The following CTNNA2 variants were observed in gnomAD, a reference collection of about 807,000 sequenced individuals.
The protein encoded by CTNNA2 is catenin alpha 2, also known as catenin alpha-2.
A neutral mutation model predicts 101.0 loss-of-function variants in CTNNA2; 42 were observed. That is an observed-to-expected ratio of 0.42 (90% CI 0.32 to 0.54). The LOEUF (loss-of-function observed/expected upper bound fraction) is 0.54. Ranked by LOEUF, CTNNA2 falls within the 20% of genes least tolerant of loss-of-function variation. The pLI, the probability that CTNNA2 is intolerant of heterozygous loss-of-function variation, is 0.14. For missense variants in CTNNA2, 871 were observed against 1,223.1 expected, an observed-to-expected ratio of 0.71 and a Z score of 4.29; for synonymous variants, 450 against 456.4, an observed-to-expected ratio of 0.99 and a Z score of 0.18.
intron 7 of CTNNA2, among the ~76,000 whole-genome samples, chr2:80,290,037 A>G (rs140760077): frequency 9.9e-4 from 150 of 152,232 alleles, no homozygotes; most frequent in South Asian, 4.4e-3. Context: ...AAATCTTTGC[A>G]TAGGACCTCA....
intron 7 of CTNNA2, among the ~76,000 whole-genome samples, chr2:79,992,332 C>T (rs532336285): frequency 4.5e-4 from 68 of 152,150 alleles, no homozygotes; most frequent in Middle Eastern, 3.4e-3. Context: ...ATATTTTCTG[C>T]TTTGAAAATT....
intron 7 of CTNNA2, among the ~76,000 whole-genome samples, chr2:80,192,454 A>G (rs1706566738): frequency 6.6e-6 from 1 of 152,062 alleles, no homozygotes; most frequent in African/African-American, 2.4e-5. Context: ...TTTAGTATTT[A>G]TTCATCTTCT....
chr2:79,746,313 T>C (rs982535550), intron 3 of CTNNA2, among the ~76,000 whole-genome samples: 1 of 152,188 alleles, frequency 6.6e-6, no homozygotes, highest in African/African-American at 2.4e-5. Flanking sequence ...ATTAGCATCT[T>C]ATCAGACAGT....
chr2:80,138,265 A>G (rs1334040963), intron 7 of CTNNA2, among the ~76,000 whole-genome samples: 1 of 152,038 alleles, frequency 6.6e-6, no homozygotes, highest in African/African-American at 2.4e-5. Flanking sequence ...TAAGAACATC[A>G]ACCTTCTTGG....
intron 9 of CTNNA2, among the ~76,000 whole-genome samples, chr2:80,492,673 A>T (rs1171296744): frequency 6.6e-6 from 1 of 151,922 alleles, no homozygotes; most frequent in Non-Finnish European, 1.5e-5. Flanking sequence ...TATCTTGTAG[A>T]TTCCTCTAAT....
chr2:80,568,794 T>C (rs10181877), intron 12 of CTNNA2, among the ~76,000 whole-genome samples: 27,612 of 152,116 alleles, frequency 0.18, 2,581 homozygotes, highest in Middle Eastern at 0.23. Flanking sequence ...TTGCTGTGGG[T>C]CCATTTCATA....
intron 2 of CTNNA2, among the ~76,000 whole-genome samples, chr2:79,659,691 A>G (rs1391885915): frequency 6.6e-6 from 1 of 152,092 alleles, no homozygotes; most frequent in Non-Finnish European, 1.5e-5. Flanking sequence ...ATTTCAGATT[A>G]TGTGTCTTTA....
At chr2:80,098,801 G>T (rs1700349119) in intron 7 of CTNNA2, among the ~76,000 whole-genome samples, 1 of 152,192 alleles carries the variant, frequency 6.6e-6, no homozygotes, top group South Asian at 2.1e-4. Context: ...AGGACCCTCT[G>T]AGCCAGGTGC....
intron 2 of CTNNA2, among the ~76,000 whole-genome samples, chr2:79,302,443 G>A (rs1172872951): frequency 2.6e-5 from 4 of 152,136 alleles, no homozygotes; most frequent in African/African-American, 9.7e-5. Context: ...GTAGCTGCAA[G>A]GAATGTGGGA....
intron 7 of CTNNA2, among the ~76,000 whole-genome samples, chr2:80,281,036 A>G (rs1006938763): frequency 6.6e-6 from 1 of 152,106 alleles, no homozygotes; most frequent in Non-Finnish European, 1.5e-5. Flanking sequence ...GGGAAACGCC[A>G]TCATTTCTCT....
intron 2 of CTNNA2, among the ~76,000 whole-genome samples, chr2:79,238,476 C>A (rs948690828): frequency 1.3e-5 from 2 of 152,032 alleles, no homozygotes. Flanking sequence ...AAGAAATGAG[C>A]GCATGCTCTT....
At chr2:79,436,481 G>A (rs1019813643) in intron 4 of CTNNA2, among the ~76,000 whole-genome samples, 6 of 135,920 alleles carry the variant, frequency 4.4e-5, no homozygotes, top group African/African-American at 1.4e-4. Flanking sequence ...ATTACCTGGA[G>A]ACTTTAAAAA....
At chr2:80,126,584 TTCCCTCCCTCCCTCCCTCCCTCCCTCCC>T (rs1170896257) in intron 7 of CTNNA2, among the ~76,000 whole-genome samples, 25 of 34,112 alleles carry the variant, frequency 7.3e-4, no homozygotes, top group Admixed American at 2.4e-3. Flanking sequence ...TGCCCTTTCT[TTCCCTCCCTCCCTCCCTCCCTCCCTCCC>T]TCCCTCCCTC....
At chr2:79,304,496 GT>G (rs1676187212) in intron 2 of CTNNA2, among the ~76,000 whole-genome samples, 1 of 152,030 alleles carries the variant, frequency 6.6e-6, no homozygotes, top group Non-Finnish European at 1.5e-5. Flanking sequence ...GCAGACTAAT[GT>G]CCCCAGGAGA....
At chr2:79,913,321 G>A (rs1179668060) in intron 7 of CTNNA2, among the ~76,000 whole-genome samples, 2 of 152,216 alleles carry the variant, frequency 1.3e-5, no homozygotes, top group Non-Finnish European at 2.9e-5. Flanking sequence ...AAGGTCAAGG[G>A]CCTTGCTGTG....
chr2:79,390,443 A>G (rs1261960329), intron 4 of CTNNA2, among the ~76,000 whole-genome samples: 2 of 152,114 alleles, frequency 1.3e-5, no homozygotes, highest in Non-Finnish European at 2.9e-5. Flanking sequence ...CTTTCTTCAA[A>G]TTGCAGTTTT....
intron 7 of CTNNA2, among the ~76,000 whole-genome samples, chr2:80,125,646 C>G (rs114234844): frequency 6.6e-6 from 1 of 152,128 alleles, no homozygotes; most frequent in African/African-American, 2.4e-5. Context: ...TCTCATCAGA[C>G]TCCTTCATGA....
chr2:79,922,044 A>G (rs1686694764), intron 7 of CTNNA2, among the ~76,000 whole-genome samples: 1 of 152,202 alleles, frequency 6.6e-6, no homozygotes, highest in South Asian at 2.1e-4. Context: ...CCAGCCTTGG[A>G]CTATGCCAGT....
At chr2:79,239,594 C>G (rs1384444615) in intron 2 of CTNNA2, among the ~76,000 whole-genome samples, 2 of 152,028 alleles carry the variant, frequency 1.3e-5, no homozygotes, top group Non-Finnish European at 2.9e-5. Flanking sequence ...TATAAAACAC[C>G]CTAGAAGAAA....
Sources: gnomAD v4.1 joint callset for allele counts (sites outside exome capture counted in the v4.1 genomes callset) on GRCh38, gnomAD v4.1.1 for gene constraint, MANE v1.5 for transcripts, NCBI Gene and HGNC (gene_info 2026-07-23, HGNC 2026-07-21) for gene names.